The following IARS2 variants were observed in gnomAD, a reference collection of about 807,000 sequenced individuals.
IARS2 encodes isoleucyl-tRNA synthetase 2, mitochondrial, also known as isoleucine--tRNA ligase, mitochondrial.
IARS2 carries 56 observed loss-of-function variants against 126.3 expected under a neutral mutation model. The ratio of observed to expected loss-of-function variants is 0.44; its 90% CI spans 0.36 to 0.55. IARS2 has a LOEUF of 0.55. Ranked by LOEUF, IARS2 falls within the 20% of genes least tolerant of loss-of-function variation. The probability of loss-of-function intolerance (pLI) is 0.00; values close to 1 mark genes in which losing one functional copy is unlikely to be tolerated. For synonymous variants in IARS2, 407 were observed against 441.1 expected (o/e 0.92, Z 0.97); for missense variants, 1,127 against 1,245.9 (o/e 0.90, Z 1.44).
chr1:220,138,501 T>TTTGTTTCAAAACATTTGTTTCAAAACA (rs1182206126), intron 17 of IARS2, among the ~76,000 whole-genome samples: 2 of 152,030 alleles, frequency 1.3e-5, no homozygotes, highest in African/African-American at 4.8e-5. Flanking sequence ...TGTAAATTTA[T>TTTGTTTCAAAACATTTGTTTCAAAACA]TTGTTTCAAA....
At chr1:220,143,590 G>A (rs1471572498) in intron 21 of IARS2, among the ~76,000 whole-genome samples, 8 of 152,214 alleles carry the variant, frequency 5.3e-5, no homozygotes, top group South Asian at 2.1e-4. Context: ...GATCGCGATC[G>A]TCTTTGAATG....
At chr1:220,143,744 A>C (rs1295648621) in intron 21 of IARS2, among the ~76,000 whole-genome samples, 2 of 152,190 alleles carry the variant, frequency 1.3e-5, no homozygotes, top group Non-Finnish European at 2.9e-5. Context: ...GCAAGTTACC[A>C]CATATATTTC....
At chr1:220,133,424 G>A (rs1335007998) in intron 14 of IARS2, among the ~76,000 whole-genome samples, 6 of 152,158 alleles carry the variant, frequency 3.9e-5, no homozygotes, top group African/African-American at 1.4e-4. Context: ...CAAGTGCTCA[G>A]TAATATTGGT....
chr1:220,106,630 C>CTT (rs200435156), intron 9 of IARS2, among the ~76,000 whole-genome samples: 9 of 138,272 alleles, frequency 6.5e-5, no homozygotes, highest in South Asian at 2.3e-4. Context: ...CTTTTCTTTT[C>CTT]TTTTTTTTTT....
Position 220,096,089 on chromosome 1 carries a change from T to C in IARS2, c.268-15T>C. 2 of 1,360,398 alleles carry C rather than the reference T, an allele frequency of 1.5e-6. No homozygotes were observed. The highest frequency in any genetic ancestry group is 2.1e-6 in the Non-Finnish European group (2 of 970,058). The allele number at this position is 1,360,398 out of a possible 1,614,324, so 84.3% of individuals were successfully genotyped here. A position where few individuals can be genotyped will look rare whatever the true frequency, so the allele number is the denominator to read the frequency against. On this transcript the variant is annotated splice_polypyrimidine_tract_variant and intron_variant, in intron 1 of 22. Coordinates refer to ENST00000366922, the MANE Select transcript of IARS2 (RefSeq NM_018060.4). ...TTTATATGATGTTTAGATATCTTTT[T>C]TTTTTTTAAAACAGAAATGTGGATT...
intron 11 of IARS2, among the ~76,000 whole-genome samples, chr1:220,111,796 G>A (rs1558122948): frequency 6.6e-6 from 1 of 152,022 alleles, no homozygotes; most frequent in Non-Finnish European, 1.5e-5. Flanking sequence ...TTTTATAGCA[G>A]TTTATACTTT....
intron 22 of IARS2, among the ~76,000 whole-genome samples, chr1:220,146,695 C>T (rs531100353): frequency 2.6e-5 from 4 of 152,094 alleles, no homozygotes; most frequent in Admixed American, 2.0e-4. Flanking sequence ...TTCTTTCGGA[C>T]GGAATTTCGC....
At chr1:220,144,982 A>G (rs915538922) in intron 21 of IARS2, among the ~76,000 whole-genome samples, 1 of 152,086 alleles carries the variant, frequency 6.6e-6, no homozygotes, top group Non-Finnish European at 1.5e-5. Context: ...AGTCTACTTC[A>G]TAAGTGTTCT....
chr1:220,125,678 G>A (rs1018452725), intron 13 of IARS2, among the ~76,000 whole-genome samples: 7 of 152,224 alleles, frequency 4.6e-5, no homozygotes, highest in South Asian at 4.1e-4. Context: ...TGTGGCATGC[G>A]CCTGTAGTCC....
chr1:220,101,139 A>G (rs1656562720), intron 3 of IARS2, among the ~76,000 whole-genome samples: 1 of 152,066 alleles, frequency 6.6e-6, no homozygotes, highest in South Asian at 2.1e-4. Flanking sequence ...TGTGAAACCT[A>G]TTATCATTGG....
At chr1:220,135,831 T>C (rs1432419210) in intron 15 of IARS2, among the ~76,000 whole-genome samples, 1 of 150,926 alleles carries the variant, frequency 6.6e-6, no homozygotes, top group Non-Finnish European at 1.5e-5. Context: ...TTTTTTTTTT[T>C]TTAGTGAGTT....
At chr1:220,097,467 G>A (rs945135300) in intron 2 of IARS2, among the ~76,000 whole-genome samples, 1 of 150,498 alleles carries the variant, frequency 6.6e-6, no homozygotes, top group Non-Finnish European at 1.5e-5. Flanking sequence ...GGGTTCAAGC[G>A]ATTCTCCTGC....
At chr1:220,122,202 C>T (rs770014451) in intron 12 of IARS2, among the ~76,000 whole-genome samples, 6 of 152,136 alleles carry the variant, frequency 3.9e-5, no homozygotes, top group African/African-American at 1.2e-4. Context: ...TAAAAATTTT[C>T]GCCTAGTCTT....
intron 16 of IARS2, among the ~76,000 whole-genome samples, chr1:220,137,259 G>C (rs556786056): frequency 2.0e-5 from 3 of 152,264 alleles, no homozygotes; most frequent in African/African-American, 4.8e-5. Context: ...GCACATTGCT[G>C]TCTGAAGTGA....
chr1:220,130,073 A>G (rs1400967625), intron 14 of IARS2, among the ~76,000 whole-genome samples: 1 of 152,172 alleles, frequency 6.6e-6, no homozygotes, highest in Non-Finnish European at 1.5e-5. Flanking sequence ...AAGATGATAT[A>G]TCACTGTGGT....
intron 14 of IARS2, among the ~76,000 whole-genome samples, chr1:220,130,442 G>A (rs534781549): frequency 5.3e-5 from 8 of 152,224 alleles, no homozygotes; most frequent in South Asian, 4.1e-4. Context: ...TGCCTAGACC[G>A]ATGTCCTGGA....
chr1:220,121,156 T>C (rs1356692194), intron 12 of IARS2, among the ~76,000 whole-genome samples: 2 of 152,212 alleles, frequency 1.3e-5, no homozygotes, highest in Non-Finnish European at 2.9e-5. Flanking sequence ...AATTGGATTT[T>C]TAAAAATAAT....
intron 12 of IARS2, among the ~76,000 whole-genome samples, chr1:220,115,758 C>T (rs1204310412): frequency 6.6e-6 from 1 of 152,052 alleles, no homozygotes; most frequent in East Asian, 1.9e-4. Context: ...CCAGGCTTTG[C>T]CATTCACTGT....
chr1:220,144,726 A>C (rs756184812), intron 21 of IARS2, among the ~76,000 whole-genome samples: 4 of 152,206 alleles, frequency 2.6e-5, no homozygotes, highest in Admixed American at 1.3e-4. Flanking sequence ...TTTTATTGGA[A>C]AAAATACTTT....
Sources: allele counts gnomAD v4.1 joint callset (sites outside exome capture counted in the v4.1 genomes callset), GRCh38; gene constraint gnomAD v4.1.1; transcripts MANE v1.5; gene names NCBI Gene and HGNC (gene_info 2026-07-23, HGNC 2026-07-21).